Variants in LZTS3 observed in about 807,000 individuals in gnomAD.
LZTS3 encodes the protein leucine zipper putative tumor suppressor 3.
LZTS3 carries 16 observed loss-of-function variants against 50.9 expected under a neutral mutation model. The observed-to-expected ratio is 0.31, with a 90% CI of 0.21 to 0.48. The LOEUF (loss-of-function observed/expected upper bound fraction) is 0.48, where lower values mean the gene tolerates loss of function less well. LZTS3 is among the 20% of genes least tolerant of loss of function. LZTS3 has a pLI of 0.99. For missense variants in LZTS3, 816 were observed against 931.0 expected, an observed-to-expected ratio of 0.88 and a Z score of 1.61; for synonymous variants, 408 against 410.6, an observed-to-expected ratio of 0.99 and a Z score of 0.08.
At position 3,166,758 on chromosome 20, in the gene LZTS3, G is replaced by A. The variant is rs375055779; in HGVS notation, c.406C>T (p.Arg136Cys). ...AGCTTGGGTGGGTGGCTGGGCTCAC[G>A]ATACTGCGGTGGGGCTTTGTCACTG... The part of the protein sequence containing the change: ...GGSDKAPPQY[R>C]EPSHPPKLLA... Residue 136 changes from arginine to cysteine, a missense_variant, in exon 3 of 5, where the codon CGT becomes TGT. Physicochemically the swap from Arg to Cys is radical, Grantham distance 180. Transcript: ENST00000337576. 1.7e-5 allele frequency: 27 copies of A among 1,613,800 alleles called. No individual in the cohort carries two copies. The highest frequency in any genetic ancestry group is 1.2e-4 in the South Asian group (11 of 91,090).
chr20:3,164,549 C>A lies in LZTS3; in HGVS notation c.1927G>T (p.Ala643Ser), dbSNP rs144495581. 83 of 1,605,898 alleles carry A rather than the reference C, an allele frequency of 5.2e-5. 1 individual carries two copies. The Middle Eastern group carries it at 8.2e-4, about 16-fold the overall frequency. ...LERRLRERGA[A>S]GGASTPTPQH... is the part of the protein sequence containing the mutation. ...GGAGTGGGCGTGCTTGCACCCCCTG[C>A]GGCCCCGCGCTCCCGCAGCCTGCGC... Residue 643 changes from alanine (A) to serine (S), a missense_variant, in exon 5 of 5, where the codon GCA (alanine) becomes TCA (serine). This residue lies in a region of LZTS3 where 107 missense variants were observed against 130.4 expected (regional missense o/e 0.82). Transcript: ENST00000337576.
chr20:3,165,708 C>A lies in LZTS3; in HGVS notation c.1112G>T (p.Cys371Phe). 6.4e-7 allele frequency: 1 copy of A among 1,569,230 alleles called. No individual in the cohort carries two copies. The highest frequency in any genetic ancestry group is 8.6e-7 in the Non-Finnish European group (1 of 1,166,352). ...GGCCACCTGCTGTAGCTTCCCGCTGCAGCCCTGCCGCAGCTCGGCCAGCTC... is the reference window on the plus strand; with the variant it reads ...GGCCACCTGCTGTAGCTTCCCGCTGAAGCCCTGCCGCAGCTCGGCCAGCTC... ...ERELAELRQGCSGKLQQVARR... is the reference protein window; with the variant it reads ...ERELAELRQGFSGKLQQVARR... The change falls in exon 4 of 5, where the codon TGC (cysteine) becomes TTC (phenylalanine). Residue 371 changes from cysteine (C) to phenylalanine (F), a missense_variant. Transcript: ENST00000337576. The surrounding 1 kb of genome is among the most constrained non-coding windows in gnomAD (Gnocchi z 5.0).
In LZTS3 at chr20:3,163,127, A is replaced by G. The variant is rs2066756637; in HGVS notation, c.*1327T>C. ...GGAAGAGAGTGAAAAAGAGAGAGAT[A>G]TAAGGGCTGAGGGCCAAGCCTCCTC... On this transcript the variant is annotated 3_prime_UTR_variant, in exon 5 of 5. Coordinates refer to ENST00000337576, the MANE Select transcript of LZTS3 (RefSeq NM_001365618.1). The surrounding 1 kb of genome is among the most constrained non-coding windows in gnomAD (Gnocchi z 5.2). The G allele has an allele frequency of 6.5e-6, 1 of 152,698 alleles. No individual in the cohort carries two copies. The highest frequency in any genetic ancestry group is 2.4e-5 in the African/African-American group (1 of 41,458). The allele number at this position is 152,698 out of a possible 1,614,324, so 9.5% of individuals were successfully genotyped here. A position where few individuals can be genotyped will look rare whatever the true frequency, so the allele number is the denominator to read the frequency against.
At chr20:3,173,063 G>A (rs73608131) in intron 1 of LZTS3, among the ~76,000 whole-genome samples, 4,216 of 151,990 alleles carry the variant, frequency 0.028, 140 homozygotes, top group East Asian at 0.12. Context: ...TGGGAGGGGG[G>A]GTCGCCATTC....
chr20:3,170,498 A>ACAAAAAAC (rs1207418181), intron 1 of LZTS3, among the ~76,000 whole-genome samples: 2 of 149,970 alleles, frequency 1.3e-5, no homozygotes, highest in East Asian at 2.0e-4. Context: ...AAAAAAAAAA[A>ACAAAAAAC]AAAAAAAACA....
rs866157932 is a variant in LZTS3, at chr20:3,166,335, G to A, written c.485C>T (p.Ser162Leu). ...DQCSEPLVRP[S>L]AFKPVVPKNF... ...CTTGGGTACGACAGGCTTGAAGGCC[G>A]ACGGCCGAACTAGTGGTTCTGAGCA... The change falls in exon 4 of 5, where the codon TCG (serine) becomes TTG (leucine). Residue 162 changes from serine to leucine, a missense_variant. This residue lies in a region of LZTS3 where 700 missense variants were observed against 769.4 expected (regional missense o/e 0.91). Transcript: ENST00000337576. 6.2e-6 allele frequency: 10 copies of A among 1,611,730 alleles called. No homozygotes were observed. In the Admixed American group the frequency reaches 6.7e-5, roughly 11 times the overall value.
At position 3,164,281 on chromosome 20, in the gene LZTS3, G is replaced by A. The variant is rs2066771900; in HGVS notation, c.*173C>T. 1.6e-6 allele frequency: 1 copy of A among 631,396 alleles called. No individual in the cohort carries two copies. Among genetic ancestry groups the A allele is most frequent in the African/African-American group, 1.9e-5 (1 of 51,962 alleles). 39.1% of individuals were successfully genotyped at this position (631,396 alleles called of 1,614,324 possible). A position where few individuals can be genotyped will look rare whatever the true frequency, so the allele number is the denominator to read the frequency against. On this transcript the variant is annotated 3_prime_UTR_variant, in exon 5 of 5. Transcript: ENST00000337576. ...GTCCAAGTGGGCTGCCACGGGGGCA[G>A]TGCTGGAGCTAGGAGGGCAGGTGGG...
In LZTS3 at chr20:3,165,391, ATCCC is replaced by A; in HGVS notation, c.1323+102_1323+105del. 1.1e-6 allele frequency: 1 copy of A among 935,112 alleles called. No individual in the cohort carries two copies. The highest frequency in any genetic ancestry group is 1.5e-6 in the Non-Finnish European group (1 of 669,404). 57.9% of individuals were successfully genotyped at this position (935,112 alleles called of 1,614,324 possible). A position where few individuals can be genotyped will look rare whatever the true frequency, so the allele number is the denominator to read the frequency against. On this transcript the variant is annotated intron_variant, in intron 4 of 4. Coordinates refer to ENST00000337576, the MANE Select transcript of LZTS3 (RefSeq NM_001365618.1). This position sits in a 1 kb window ranked among gnomAD's most constrained non-coding sequence, Gnocchi z 5.0. ...GATTTTTGTCCCCCCTGCTCCTTTC[ATCCC>A]CCCCCCCATCCCACCGTTATGATAG... is the stretch of plus-strand genomic sequence containing the variant.
chr20:3,166,139 C>T lies in LZTS3; in HGVS notation c.681G>A (p.Leu227=), dbSNP rs1307259161. 2 of 1,613,092 alleles carry T rather than the reference C, an allele frequency of 1.2e-6. No homozygotes were observed. The highest frequency in any genetic ancestry group is 1.7e-6 in the Non-Finnish European group (2 of 1,179,594). ...SDSGRNSLTS[L]PTYSSSYSQH... ...GGCTGTAGCTGGAGCTGTAGGTGGG[C>T]AGGCTTGTGAGGGAGTTCCGGCCTG... Residue 227 remains leucine, a synonymous_variant, in exon 4 of 5, where the codon CTG becomes CTA. Coordinates refer to ENST00000337576, the MANE Select transcript of LZTS3 (RefSeq NM_001365618.1).
intron 1 of LZTS3, 74 bp downstream of exon 1, chr20:3,173,381 A>C (rs2066922586): frequency 6.6e-6 from 1 of 152,188 alleles, no homozygotes; most frequent in South Asian, 2.1e-4. Flanking sequence ...CAGGTCAGAC[A>C]TGCCGCGCAG....
At position 3,164,700 on chromosome 20, in the gene LZTS3, C is replaced by T; in HGVS notation, c.1776G>A (p.Glu592=). Residue 592 remains glutamate, a synonymous_variant, in exon 5 of 5, where the codon GAG becomes GAA. Transcript: ENST00000337576. The part of the protein sequence containing the change: ...AELAAERRAR[E]RQGASFAEER... Reference sequence around the variant, plus strand: ...CCTCGGCGAAGCTGGCACCCTGGCGCTCCCGGGCCCGCCGCTCAGCCGCCA... The same window carrying T: ...CCTCGGCGAAGCTGGCACCCTGGCGTTCCCGGGCCCGCCGCTCAGCCGCCA... 1 of 1,566,854 alleles carries T rather than the reference C, an allele frequency of 6.4e-7. No individual in the cohort carries two copies.
chr20:3,170,572 C>T (rs117488504), intron 1 of LZTS3, among the ~76,000 whole-genome samples: 2,919 of 150,474 alleles, frequency 0.019, 34 homozygotes, highest in Middle Eastern at 0.043. Flanking sequence ...AGGTGGATCC[C>T]CTAAGATCAG....
Position 3,165,385 on chromosome 20 carries a change from C to A in LZTS3, c.1323+112G>T. 1 of 1,215,554 alleles carries A rather than the reference C, an allele frequency of 8.2e-7. No individual in the cohort carries two copies. Among genetic ancestry groups the A allele is most frequent in the Non-Finnish European group, 1.1e-6 (1 of 905,362 alleles). The allele number at this position is 1,215,554 out of a possible 1,614,324, so 75.3% of individuals were successfully genotyped here. A position where few individuals can be genotyped will look rare whatever the true frequency, so the allele number is the denominator to read the frequency against. On this transcript the variant is annotated intron_variant, in intron 4 of 4. Coordinates refer to ENST00000337576, the MANE Select transcript of LZTS3 (RefSeq NM_001365618.1). This position sits in a 1 kb window ranked among gnomAD's most constrained non-coding sequence, Gnocchi z 5.0. Reference sequence around the variant, plus strand: ...CCAATTGATTTTTGTCCCCCCTGCTCCTTTCATCCCCCCCCCCATCCCACC... The same window carrying A: ...CCAATTGATTTTTGTCCCCCCTGCTACTTTCATCCCCCCCCCCATCCCACC...
chr20:3,171,397 C>A (rs1210546083), intron 1 of LZTS3, among the ~76,000 whole-genome samples: 1 of 152,108 alleles, frequency 6.6e-6, no homozygotes, highest in Non-Finnish European at 1.5e-5. Flanking sequence ...AGCCTCACTG[C>A]CTAAAGAGCT....
At chr20:3,166,660 AC>A in intron 3 of LZTS3, 44 bp downstream of exon 3, 1 of 1,586,696 alleles carries the variant, frequency 6.3e-7, no homozygotes, top group Non-Finnish European at 8.6e-7. Flanking sequence ...GTTGCCTCCC[AC>A]CCCCAGAAAA....
intron 3 of LZTS3, 39 bp from the exon 4 acceptor site, chr20:3,166,399 G>A (rs1363827614): frequency 7.1e-6 from 11 of 1,555,086 alleles, no homozygotes; most frequent in Non-Finnish European, 8.7e-6. Context: ...GTCAGGATGA[G>A]GCCTTGGGCT....
rs375756981 is a variant in LZTS3, at chr20:3,164,439, G to A, written c.*15C>T. The A allele has an allele frequency of 2.0e-6, 3 of 1,502,522 alleles. No individual in the cohort carries two copies. The highest frequency in any genetic ancestry group is 4.4e-5 in the Admixed American group (2 of 45,620). The allele number at this position is 1,502,522 out of a possible 1,614,324, so 93.1% of individuals were successfully genotyped here. A position where few individuals can be genotyped will look rare whatever the true frequency, so the allele number is the denominator to read the frequency against. ...TTGACAGGACATGTGTCAAAATGCC[G>A]AGTGCCCAGGTCGATCAGATTTCTG... On this transcript the variant is annotated 3_prime_UTR_variant, in exon 5 of 5. Transcript: ENST00000337576.
At chr20:3,166,556 G>A in intron 3 of LZTS3, 149 bp downstream of exon 3, 4 of 1,171,674 alleles carry the variant, frequency 3.4e-6, no homozygotes, top group Non-Finnish European at 4.7e-6. Flanking sequence ...GCTAGACTTG[G>A]CCCCAGGTCC....
At position 3,164,596 on chromosome 20, in the gene LZTS3, T is replaced by A. The variant is rs377566664; in HGVS notation, c.1880A>T (p.Tyr627Phe). ...KQLQLSYVEM[Y>F]QRNQQLERRL... ...GCGCTCCAGCTGCTGGTTGCGCTGG[T>A]ACATCTCCACGTAGCTCAGCTGCAG... The change falls in exon 5 of 5, where the codon TAC (tyrosine) becomes TTC (phenylalanine). Residue 627 changes from tyrosine to phenylalanine, a missense_variant. Around this residue, in one of 3 missense-constraint regions of LZTS3, gnomAD observed 107 missense variants for 130.4 expected, o/e 0.82. Transcript: ENST00000337576. The A allele has an allele frequency of 1.7e-5, 27 of 1,612,136 alleles. No individual in the cohort carries two copies. Among genetic ancestry groups the A allele is most frequent in the Non-Finnish European group, 2.3e-5 (27 of 1,179,206 alleles).
Sources: gnomAD v4.1 joint callset for allele counts (sites outside exome capture counted in the v4.1 genomes callset) on GRCh38, gnomAD v4.1.1 for gene constraint, gnomAD v4.1.1 regional missense constraint, Gnocchi (gnomAD v3.1) non-coding constraint, MANE v1.5 for transcripts, NCBI Gene and HGNC (gene_info 2026-07-23, HGNC 2026-07-21) for gene names.